Variants in POF1B observed in about 807,000 individuals in gnomAD.
The protein encoded by POF1B is protein POF1B.
Under a neutral mutation model 55.3 loss-of-function variants are expected in POF1B, and 53 were observed. That is an observed-to-expected ratio of 0.96 (90% CI 0.77 to 1.20). The LOEUF (loss-of-function observed/expected upper bound fraction) is 1.20. Among genes scored for constraint, POF1B ranks in the 50% most tolerant of loss-of-function variants. POF1B has a pLI of 0.00. For missense variants in POF1B, 478 were observed against 420.5 expected (o/e 1.14, Z -1.20); for synonymous variants, 188 against 148.3 (o/e 1.27, Z -1.95).
intron 7 of POF1B, among the ~76,000 whole-genome samples, chrX:85,317,558 C>G (rs1932798155): frequency 9.0e-6 from 1 of 110,508 alleles, no homozygotes; most frequent in Non-Finnish European, 1.9e-5. Context: ...TGCTTGTCAG[C>G]CACATCTATG....
intron 7 of POF1B, among the ~76,000 whole-genome samples, chrX:85,322,004 A>G (rs1399780595): frequency 1.8e-5 from 2 of 110,747 alleles, no homozygotes; most frequent in Non-Finnish European, 3.8e-5. Flanking sequence ...ATATCGTGAA[A>G]ATGGCCATAC....
At chrX:85,286,346 A>T (rs1932054619) in intron 15 of POF1B, among the ~76,000 whole-genome samples, 2 of 111,299 alleles carry the variant, frequency 1.8e-5, no homozygotes, top group Non-Finnish European at 3.8e-5. Flanking sequence ...TAAATGAAAC[A>T]TGAAGAAATA....
intron 2 of POF1B, among the ~76,000 whole-genome samples, chrX:85,368,406 C>A (rs1933766339): frequency 9.1e-6 from 1 of 110,481 alleles, no homozygotes; most frequent in Admixed American, 9.7e-5. Context: ...TACTATGTGC[C>A]CAAAATTTTA....
chrX:85,358,939 T>A (rs1933554273), intron 4 of POF1B, among the ~76,000 whole-genome samples: 1 of 111,532 alleles, frequency 9.0e-6, no homozygotes, highest in South Asian at 3.7e-4. Context: ...ATCATGAAAC[T>A]TGAAATTTGT....
chrX:85,318,783 G>C (rs1206912544), intron 7 of POF1B, among the ~76,000 whole-genome samples: 1 of 111,223 alleles, frequency 9.0e-6, no homozygotes, highest in Admixed American at 9.6e-5. Context: ...CCTTGTAGTA[G>C]AGTTTTAAGT....
At chrX:85,282,387 C>T in intron 15 of POF1B, 70 bp from the exon 16 acceptor site, 1 of 742,315 alleles carries the variant, frequency 1.3e-6, no homozygotes, top group South Asian at 5.0e-5. Context: ...TTAGTCACTC[C>T]TAGTTTGATT....
At chrX:85,369,409 A>G (rs757293587) in intron 2 of POF1B, among the ~76,000 whole-genome samples, 16 of 111,322 alleles carry the variant, frequency 1.4e-4, no homozygotes, top group Non-Finnish European at 2.6e-4. Flanking sequence ...ATAAACATTT[A>G]TATAGATAAG....
intron 6 of POF1B, among the ~76,000 whole-genome samples, chrX:85,335,094 T>G (rs780284758): frequency 9.0e-6 from 1 of 111,445 alleles, no homozygotes; most frequent in East Asian, 2.9e-4. Context: ...ACTAGGTAAC[T>G]GGCTTAAATG....
At position 85,334,987 on chromosome X, in the gene POF1B, C is replaced by T. The variant is rs1933043121; in HGVS notation, c.724-3908G>A. The stretch of plus-strand genomic sequence containing the variant: ...GGTTTCCCTTCAGCTTAAGAACAAA[C>T]ATTTGTGAGAATGCTTCTCAGGGGT... On this transcript the variant is annotated intron_variant, in intron 6 of 16. Coordinates refer to ENST00000262753, the MANE Select transcript of POF1B (RefSeq NM_024921.4). Among the ~76,000 whole-genome samples the T allele has an allele frequency of 5.4e-5, 6 of 111,382 alleles. No individual in the cohort carries two copies. In the Admixed American group the frequency reaches 5.7e-4, roughly 11 times the overall value.
At chrX:85,288,020 G>T (rs1771605004) in intron 15 of POF1B, among the ~76,000 whole-genome samples, 1 of 111,715 alleles carries the variant, frequency 9.0e-6, no homozygotes, top group Admixed American at 9.5e-5. Context: ...GAATGGAGAA[G>T]TAAGGAGTTT....
At chrX:85,374,321 A>G (rs970042921) in intron 2 of POF1B, among the ~76,000 whole-genome samples, 3 of 111,136 alleles carry the variant, frequency 2.7e-5, no homozygotes, top group African/African-American at 9.8e-5. Flanking sequence ...TAGACTGCAA[A>G]ATCTGAACCT....
Position 85,350,709 on chromosome X carries a change from T to G in POF1B, c.540+641A>C, listed in dbSNP as rs186069094. Among the ~76,000 whole-genome samples, 695 of 111,123 alleles carry G rather than the reference T, an allele frequency of 6.3e-3. 2 individuals are homozygous for G. Among genetic ancestry groups the G allele is most frequent in the Middle Eastern group, 0.014 (3 of 216 alleles). On this transcript the variant is annotated intron_variant, in intron 5 of 16. Transcript: ENST00000262753. ...AACAGACACTTCTCAAAAGAAGACA[T>G]TTATGCAGCCAAAAACACATGAAAA...
chrX:85,293,269 C>A (rs1204140380), intron 15 of POF1B, among the ~76,000 whole-genome samples: 1 of 112,015 alleles, frequency 8.9e-6, no homozygotes, highest in East Asian at 2.8e-4. Context: ...TGGAATCAAC[C>A]TAATGCCCAT....
chrX:85,304,369 C>G lies in POF1B; in HGVS notation c.1540G>C (p.Asp514His). 8.4e-7 allele frequency: 1 copy of G among 1,191,781 alleles called. No individual in the cohort carries two copies. The highest frequency in any genetic ancestry group is 2.3e-5 in the Admixed American group (1 of 44,092). The change falls in exon 14 of 17, where the codon GAT (aspartate) becomes CAT (histidine). Residue 514 changes from aspartate (D) to histidine (H), a missense_variant. Coordinates refer to ENST00000262753, the MANE Select transcript of POF1B (RefSeq NM_024921.4). Reference sequence around the variant, plus strand: ...TCTGACTGACGCTTTATGAGGGAATCCTTCTCTTCCAGCAAGCTTGTCAGT... The same window carrying G: ...TCTGACTGACGCTTTATGAGGGAATGCTTCTCTTCCAGCAAGCTTGTCAGT... ...HELTSLLEEKDSLIKRQSEEL... is the reference protein window; with the variant it reads ...HELTSLLEEKHSLIKRQSEEL...
chrX:85,329,555 G>C (rs1932943214), intron 7 of POF1B, among the ~76,000 whole-genome samples: 1 of 110,197 alleles, frequency 9.1e-6, no homozygotes, highest in Admixed American at 9.7e-5. Flanking sequence ...AAGGACATCA[G>C]GGTAAATAAA....
chrX:85,328,654 A>G (rs945391742), intron 7 of POF1B, among the ~76,000 whole-genome samples: 21 of 111,096 alleles, frequency 1.9e-4, no homozygotes, highest in African/African-American at 5.2e-4. Context: ...ATGTATCAGA[A>G]TCCTCTGAAG....
At chrX:85,305,676 T>G in intron 13 of POF1B, 115 bp downstream of exon 13, 5 of 802,640 alleles carry the variant, frequency 6.2e-6, no homozygotes, top group Non-Finnish European at 7.0e-6. Flanking sequence ...ATGACATATT[T>G]CTAAAACTCT....
At chrX:85,337,081 C>A (rs1933090761) in intron 6 of POF1B, among the ~76,000 whole-genome samples, 1 of 111,741 alleles carries the variant, frequency 8.9e-6, no homozygotes, top group Non-Finnish European at 1.9e-5. Flanking sequence ...GTTCATAGCA[C>A]CTTGGTTGAA....
chrX:85,364,994 A>G (rs1300934298), intron 3 of POF1B, among the ~76,000 whole-genome samples: 1 of 111,037 alleles, frequency 9.0e-6, no homozygotes, highest in East Asian at 2.8e-4. Flanking sequence ...CTTATTTCAG[A>G]GAGCCAGTCT....
Sources: gnomAD v4.1 joint callset for allele counts (sites outside exome capture counted in the v4.1 genomes callset) on GRCh38, gnomAD v4.1.1 for gene constraint, MANE v1.5 for transcripts, NCBI Gene and HGNC (gene_info 2026-07-23, HGNC 2026-07-21) for gene names.